The following CSMD1 variants were observed in gnomAD, a reference collection of about 807,000 sequenced individuals.
The protein encoded by CSMD1 is CUB and Sushi multiple domains 1.
Under a neutral mutation model 417.5 loss-of-function variants are expected in CSMD1, and 213 were observed. The observed-to-expected ratio is 0.51, with a 90% CI of 0.46 to 0.57. The LOEUF (loss-of-function observed/expected upper bound fraction) is 0.57, where lower values mean the gene tolerates loss of function less well. Ranked by LOEUF, CSMD1 falls within the 20% of genes least tolerant of loss-of-function variation. The pLI, the probability that CSMD1 is intolerant of heterozygous loss-of-function variation, is 0.00. For missense variants in CSMD1, 6,923 were observed against 4,529.7 expected (o/e 1.53, Z -15.17); for synonymous variants, 2,862 against 1,736.8 (o/e 1.65, Z -16.11).
chr8:4,798,777 T>C (rs1367485895), intron 1 of CSMD1, among the ~76,000 whole-genome samples: 2 of 152,188 alleles, frequency 1.3e-5, no homozygotes, highest in East Asian at 3.8e-4. Context: ...ACCTCATTAG[T>C]AGAACTTCAA....
intron 1 of CSMD1, among the ~76,000 whole-genome samples, chr8:4,911,443 C>G (rs993862733): frequency 1.3e-5 from 2 of 152,252 alleles, no homozygotes; most frequent in Middle Eastern, 3.4e-3. Context: ...TTTCCAGGTC[C>G]CATGAATACA....
intron 26 of CSMD1, among the ~76,000 whole-genome samples, chr8:3,276,485 T>C (rs1347687712): frequency 6.6e-6 from 1 of 152,178 alleles, no homozygotes; most frequent in Non-Finnish European, 1.5e-5. Context: ...AACTCCCATT[T>C]ATAAAACCAT....
intron 5 of CSMD1, among the ~76,000 whole-genome samples, chr8:3,886,699 T>G (rs1585141485): frequency 6.6e-6 from 1 of 152,242 alleles, no homozygotes; most frequent in Admixed American, 6.5e-5. Flanking sequence ...TGTTAGACAC[T>G]TATGGAAGTC....
intron 3 of CSMD1, among the ~76,000 whole-genome samples, chr8:4,283,086 T>A (rs1796878022): frequency 1.3e-5 from 2 of 152,230 alleles, no homozygotes; most frequent in South Asian, 4.1e-4. Flanking sequence ...GTCAACATCC[T>A]GTTTTTTAGC....
At chr8:3,225,792 T>C (rs1215099137) in intron 27 of CSMD1, among the ~76,000 whole-genome samples, 5 of 152,238 alleles carry the variant, frequency 3.3e-5, no homozygotes, top group Non-Finnish European at 2.9e-5. Context: ...GCCCTGTTTG[T>C]TCTCTCTTTT....
At chr8:3,142,922 A>C (rs1357193908) in intron 40 of CSMD1, among the ~76,000 whole-genome samples, 1 of 152,150 alleles carries the variant, frequency 6.6e-6, no homozygotes, top group African/African-American at 2.4e-5. Flanking sequence ...TTTGTGAAAT[A>C]TGAATATTAC....
At chr8:4,109,419 G>C (rs560415933) in intron 3 of CSMD1, among the ~76,000 whole-genome samples, 1 of 152,192 alleles carries the variant, frequency 6.6e-6, no homozygotes, top group African/African-American at 2.4e-5. Flanking sequence ...CTTAATCACG[G>C]TGAAAGTTTC....
chr8:3,796,469 TA>T (rs1800153298), intron 5 of CSMD1, among the ~76,000 whole-genome samples: 1 of 139,108 alleles, frequency 7.2e-6, no homozygotes, highest in African/African-American at 2.6e-5. Context: ...ATCTATCATG[TA>T]TATAGATATC....
intron 7 of CSMD1, among the ~76,000 whole-genome samples, chr8:3,684,929 G>T (rs1799870461): frequency 1.3e-5 from 2 of 152,090 alleles, no homozygotes; most frequent in South Asian, 4.1e-4. Flanking sequence ...GAAGCACTTG[G>T]CCAAAGTGGA....
chr8:3,863,324 G>A (rs1326549686), intron 5 of CSMD1, among the ~76,000 whole-genome samples: 2 of 150,992 alleles, frequency 1.3e-5, no homozygotes, highest in Non-Finnish European at 2.9e-5. Flanking sequence ...TTGAACCCAG[G>A]AGATGGTGGT....
intron 5 of CSMD1, among the ~76,000 whole-genome samples, chr8:3,818,762 C>G (rs551514666): frequency 6.6e-6 from 1 of 152,280 alleles, no homozygotes; most frequent in East Asian, 1.9e-4. Flanking sequence ...GGTGTTAAAA[C>G]ACACCTGGCA....
At chr8:3,495,670 T>C (rs925235320) in intron 10 of CSMD1, among the ~76,000 whole-genome samples, 2 of 152,190 alleles carry the variant, frequency 1.3e-5, no homozygotes, top group South Asian at 2.1e-4. Context: ...AGCTGTAAAA[T>C]AGAAGTATGT....
chr8:4,653,210 T>C (rs1303771592), intron 1 of CSMD1, among the ~76,000 whole-genome samples: 1 of 152,020 alleles, frequency 6.6e-6, no homozygotes, highest in Non-Finnish European at 1.5e-5. Flanking sequence ...ATTTTAGAGA[T>C]AAAGCAAATG....
intron 5 of CSMD1, among the ~76,000 whole-genome samples, chr8:3,835,218 G>A (rs1003537493): frequency 1.4e-4 from 21 of 151,082 alleles, no homozygotes; most frequent in Non-Finnish European, 4.4e-5. Flanking sequence ...CCATTACTGG[G>A]TATATACCCA....
At chr8:3,244,211 A>G (rs989592094) in intron 26 of CSMD1, among the ~76,000 whole-genome samples, 2 of 152,180 alleles carry the variant, frequency 1.3e-5, no homozygotes, top group Admixed American at 6.5e-5. Flanking sequence ...CAGAGATGCT[A>G]TTGCGAGGCT....
intron 26 of CSMD1, among the ~76,000 whole-genome samples, chr8:3,236,013 G>A (rs982754685): frequency 2.0e-5 from 3 of 148,120 alleles, no homozygotes; most frequent in Admixed American, 7.0e-5. Context: ...CGCCTTCCGG[G>A]TTCACGCCAT....
chr8:3,835,256 G>C (rs1412025741), intron 5 of CSMD1, among the ~76,000 whole-genome samples: 1 of 151,750 alleles, frequency 6.6e-6, no homozygotes, highest in Non-Finnish European at 1.5e-5. Flanking sequence ...CTGCTATAAA[G>C]ACACATGCAC....
At chr8:3,851,888 A>G (rs1383124318) in intron 5 of CSMD1, among the ~76,000 whole-genome samples, 1 of 152,110 alleles carries the variant, frequency 6.6e-6, no homozygotes, top group Non-Finnish European at 1.5e-5. Flanking sequence ...GGCTCCATGG[A>G]TCAGAGATTC....
intron 5 of CSMD1, among the ~76,000 whole-genome samples, chr8:3,809,795 T>C (rs1563102600): frequency 6.6e-6 from 1 of 152,084 alleles, no homozygotes; most frequent in Non-Finnish European, 1.5e-5. Context: ...TCTATGTCAT[T>C]AGGAGAAAAT....
Sources: gnomAD v4.1 joint callset for allele counts (sites outside exome capture counted in the v4.1 genomes callset) on GRCh38, gnomAD v4.1.1 for gene constraint, MANE v1.5 for transcripts, NCBI Gene and HGNC (gene_info 2026-07-23, HGNC 2026-07-21) for gene names.